SCRG1: variants seen among roughly 807,000 people sequenced by gnomAD.
The protein encoded by SCRG1 is scrapie-responsive protein 1.
In SCRG1, 3 loss-of-function variants were observed where a neutral mutation model predicts 7.7. The ratio of observed to expected loss-of-function variants is 0.39; its 90% confidence interval spans 0.18 to 1.01. The LOEUF (loss-of-function observed/expected upper bound fraction) is 1.01, where lower values mean the gene tolerates loss of function less well. Among genes scored for constraint, SCRG1 ranks in the 50% least tolerant of loss-of-function variants. The probability of loss-of-function intolerance (pLI) is 0.36; values close to 1 mark genes in which losing one functional copy is unlikely to be tolerated. For missense variants in SCRG1, 110 were observed against 117.2 expected (o/e 0.94, Z 0.28); for synonymous variants, 46 against 41.2 (o/e 1.12, Z -0.44).
upstream of SCRG1, chr4:173,406,381 G>A (rs1330716251): frequency 3.9e-5 from 6 of 152,036 alleles, no homozygotes; most frequent in African/African-American, 1.2e-4. Context: ...CCCTCACTAC[G>A]CCTTTCAGTG....
the SCRG1 span, among the ~76,000 whole-genome samples, chr4:173,483,592 A>G: frequency 0.061 from 792 of 12,922 alleles, 125 homozygotes; most frequent in Non-Finnish European, 0.079. Context: ...ATGATATATT[A>G]TATTGTGATA....
the SCRG1 span, among the ~76,000 whole-genome samples, chr4:173,484,511 TA>T: frequency 1.4e-5 from 1 of 74,042 alleles, no homozygotes; most frequent in South Asian, 4.2e-4. Context: ...TATTATATAT[TA>T]TATACATATA....
chr4:173,414,761 G>T, the SCRG1 span, among the ~76,000 whole-genome samples: 2 of 152,222 alleles, frequency 1.3e-5, no homozygotes, highest in Non-Finnish European at 2.9e-5. Context: ...GTGTGCTTCT[G>T]TGGCTGGTGC....
chr4:173,433,785 C>T, the SCRG1 span, among the ~76,000 whole-genome samples: 1 of 152,146 alleles, frequency 6.6e-6, no homozygotes, highest in East Asian at 1.9e-4. Flanking sequence ...GTGCCTCTGT[C>T]GGAGGTCAGA....
the SCRG1 span, among the ~76,000 whole-genome samples, chr4:173,513,346 C>CT: frequency 3.9e-5 from 6 of 152,082 alleles, no homozygotes; most frequent in African/African-American, 1.4e-4. Context: ...GAGAAGATCC[C>CT]TTTGTTTCTG....
the SCRG1 span, among the ~76,000 whole-genome samples, chr4:173,500,987 T>C: frequency 6.6e-6 from 1 of 152,212 alleles, no homozygotes; most frequent in South Asian, 2.1e-4. Flanking sequence ...GGCCGGGGCT[T>C]GCCCAAAGTG....
At chr4:173,484,171 A>C in the SCRG1 span, among the ~76,000 whole-genome samples, 2 of 51,276 alleles carry the variant, frequency 3.9e-5, no homozygotes, top group South Asian at 1.2e-3. Flanking sequence ...CATTATATAT[A>C]ATATATAATA....
At chr4:173,500,472 T>TGTG in the SCRG1 span, among the ~76,000 whole-genome samples, 19,128 of 150,138 alleles carry the variant, frequency 0.13, 1,398 homozygotes, top group African/African-American at 0.21. Flanking sequence ...TTAGTAAATT[T>TGTG]TGTGTGTGTG....
chr4:173,408,748 T>C (rs1171038541), upstream of SCRG1, among the ~76,000 whole-genome samples: 1 of 151,896 alleles, frequency 6.6e-6, no homozygotes, highest in African/African-American at 2.4e-5. Flanking sequence ...AATCCCAGCA[T>C]TTTGGGAGCC....
At chr4:173,515,377 A>G in the SCRG1 span, among the ~76,000 whole-genome samples, 1 of 152,202 alleles carries the variant, frequency 6.6e-6, no homozygotes, top group Non-Finnish European at 1.5e-5. The surrounding 1 kb of genome is among the most constrained non-coding windows in gnomAD (Gnocchi z 4.6). Context: ...AGTAAAAATA[A>G]CAGGGTGATA....
the SCRG1 span, among the ~76,000 whole-genome samples, chr4:173,416,942 A>AGT: frequency 6.8e-6 from 1 of 146,834 alleles, no homozygotes; most frequent in Non-Finnish European, 1.5e-5. Context: ...ACACACACAC[A>AGT]CACACACACA....
At chr4:173,462,657 A>G in the SCRG1 span, among the ~76,000 whole-genome samples, 2 of 152,128 alleles carry the variant, frequency 1.3e-5, no homozygotes, top group African/African-American at 4.8e-5. Context: ...AAAACACAGA[A>G]TATTATAACA....
the SCRG1 span, among the ~76,000 whole-genome samples, chr4:173,484,926 A>ATATATTATATTATATTATATAT: frequency 1.9e-5 from 1 of 53,542 alleles, no homozygotes; most frequent in African/African-American, 7.8e-5. Flanking sequence ...TTTAGATATT[A>ATATATTATATTATATTATATAT]TATATTATAT....
At position 173,388,410 on chromosome 4, in the gene SCRG1, A is replaced by T. The variant is rs1182359035; in HGVS notation, c.243-15T>A. 6.3e-7 allele frequency: 1 copy of T among 1,593,382 alleles called. No homozygotes were observed. The highest frequency in any genetic ancestry group is 1.1e-5 in the South Asian group (1 of 89,848). Reference sequence around the variant, plus strand: ...AGAAAACGTCTCTGAAAGAAAATAGAGCATCAATTAAATTCACCTTAAGGC... The same window carrying T: ...AGAAAACGTCTCTGAAAGAAAATAGTGCATCAATTAAATTCACCTTAAGGC... On this transcript the variant is annotated splice_polypyrimidine_tract_variant and intron_variant, in intron 2 of 2. Transcript: ENST00000296506.
chr4:173,453,678 C>T, the SCRG1 span, among the ~76,000 whole-genome samples: 7 of 152,306 alleles, frequency 4.6e-5, no homozygotes, highest in South Asian at 4.1e-4. Context: ...GTCATATATG[C>T]GGTCTGTCGT....
chr4:173,516,749 G>A, the SCRG1 span, among the ~76,000 whole-genome samples: 7 of 152,204 alleles, frequency 4.6e-5, no homozygotes, highest in Non-Finnish European at 1.0e-4. Context: ...GACGCCCAGG[G>A]AAGGTAAATT....
chr4:173,413,680 A>C, the SCRG1 span, among the ~76,000 whole-genome samples: 1 of 152,232 alleles, frequency 6.6e-6, no homozygotes, highest in East Asian at 1.9e-4. Flanking sequence ...ACTGTGATCC[A>C]TCTGAAGAAA....
chr4:173,423,083 A>G, the SCRG1 span, among the ~76,000 whole-genome samples: 1 of 152,194 alleles, frequency 6.6e-6, no homozygotes, highest in Admixed American at 6.6e-5. Context: ...ATTGGGAAGA[A>G]ACTGCTATGA....
the SCRG1 span, among the ~76,000 whole-genome samples, chr4:173,499,638 G>A: frequency 8.5e-5 from 13 of 152,260 alleles, no homozygotes; most frequent in East Asian, 2.5e-3. This position sits in a 1 kb window ranked among gnomAD's most constrained non-coding sequence, Gnocchi z 4.1. Flanking sequence ...GTAGTGTACC[G>A]CCTGGTCCCT....
Sources: allele counts gnomAD v4.1 joint callset (sites outside exome capture counted in the v4.1 genomes callset), GRCh38; gene constraint gnomAD v4.1.1; non-coding constraint Gnocchi (gnomAD v3.1); transcripts MANE v1.5; gene names NCBI Gene and HGNC (gene_info 2026-07-23, HGNC 2026-07-21).